The following MGRN1 variants were observed in gnomAD, a reference collection of about 807,000 sequenced individuals.
MGRN1 encodes the protein E3 ubiquitin-protein ligase MGRN1.
A neutral mutation model predicts 69.2 loss-of-function variants in MGRN1; 29 were observed. That is an observed-to-expected ratio of 0.42 (90% CI 0.31 to 0.57). The LOEUF (loss-of-function observed/expected upper bound fraction) is 0.57, where lower values mean the gene tolerates loss of function less well. Among genes scored for constraint, MGRN1 ranks in the 20% least tolerant of loss-of-function variants. The pLI is 0.15. For synonymous variants in MGRN1, 470 were observed against 344.2 expected (o/e 1.37, Z -4.04); for missense variants, 998 against 796.2 (o/e 1.25, Z -3.05).
chr16:4,665,288 C>T (rs900097487), intron 7 of MGRN1, 137 bp downstream of exon 7: 21 of 853,700 alleles, frequency 2.5e-5, no homozygotes, highest in Non-Finnish European at 3.7e-5. Flanking sequence ...CAGGTTGGGG[C>T]GTGTCTGTGG....
In MGRN1 at chr16:4,652,038, C is replaced by T. The variant is rs201332574; in HGVS notation, c.283C>T (p.Leu95=). 183 of 1,614,006 alleles carry T rather than the reference C, an allele frequency of 1.1e-4. No homozygotes were observed. In the Admixed American group the frequency reaches 3.0e-3, roughly 26 times the overall value. Residue 95 remains leucine, a synonymous_variant, in exon 3 of 17, where the codon CTG becomes TTG. Coordinates refer to ENST00000262370, the MANE Select transcript of MGRN1 (RefSeq NM_015246.4). ...RSLVNIRKDS[L]RLVRYKDDAD... ...CCTGGTGAACATCCGCAAAGACTCC[C>T]TGCGGCTGGTGAGGTAACTTCACCC...
At chr16:4,687,897 CCT>C (rs1381751671) in intron 16 of MGRN1, 1 of 985,468 alleles carries the variant, frequency 1.0e-6, no homozygotes, top group African/African-American at 1.7e-5. Context: ...TCTGTTGACC[CCT>C]GTCCTGAGCC....
chr16:4,650,221 T>G (rs1438806519), intron 1 of MGRN1, 144 bp from the exon 2 acceptor site: 1 of 595,178 alleles, frequency 1.7e-6, no homozygotes, highest in East Asian at 3.1e-5. Context: ...AAGAATCGCT[T>G]GAACCCGGTG....
chr16:4,628,029 G>A (rs577882398), intron 1 of MGRN1, among the ~76,000 whole-genome samples: 9 of 148,456 alleles, frequency 6.1e-5, no homozygotes, highest in South Asian at 2.1e-4. Context: ...GCAGTGAGCC[G>A]AGACTGCGCC....
chr16:4,657,140 C>T (rs915740138), intron 4 of MGRN1, 106 bp from the exon 5 acceptor site: 6 of 1,105,282 alleles, frequency 5.4e-6, no homozygotes, highest in African/African-American at 4.7e-5. Context: ...AGAGGGTCCC[C>T]AAAAGACAGG....
chr16:4,645,062 G>A (rs1420709652), intron 1 of MGRN1, among the ~76,000 whole-genome samples: 6 of 148,144 alleles, frequency 4.1e-5, no homozygotes, highest in Non-Finnish European at 7.4e-5. Flanking sequence ...ACCTATGCAG[G>A]TGTTTTAGTT....
At chr16:4,678,921 A>G (rs771860172) in intron 11 of MGRN1, among the ~76,000 whole-genome samples, 20 of 152,216 alleles carry the variant, frequency 1.3e-4, no homozygotes, top group African/African-American at 2.4e-4. Context: ...AGCAGGTGCA[A>G]TGTTTCTGAA....
rs557599999 is a variant in MGRN1 at position 4,673,748 on chromosome 16, C to T, written c.955+91C>T. On this transcript the variant is annotated intron_variant, in intron 10 of 16. Coordinates refer to ENST00000262370, the MANE Select transcript of MGRN1 (RefSeq NM_015246.4). Reference sequence around the variant, plus strand: ...GTCCTGGGATAGGGGGCCACAGGTCCGTTGATGGCTAAGAAAGAAGAGTTG... The same window carrying T: ...GTCCTGGGATAGGGGGCCACAGGTCTGTTGATGGCTAAGAAAGAAGAGTTG... The T allele has an allele frequency of 1.3e-5, 19 of 1,453,132 alleles. No individual in the cohort carries two copies. The African/African-American group carries it at 1.5e-4, about 12-fold the overall frequency. 90.0% of individuals were successfully genotyped at this position (1,453,132 alleles called of 1,614,324 possible). A position where few individuals can be genotyped will look rare whatever the true frequency, so the allele number is the denominator to read the frequency against.
chr16:4,670,961 T>G (rs2078924473), intron 8 of MGRN1, among the ~76,000 whole-genome samples: 2 of 152,228 alleles, frequency 1.3e-5, no homozygotes, highest in Admixed American at 1.3e-4. Flanking sequence ...AGACATTGCT[T>G]TGGCGTCTTT....
At chr16:4,646,291 G>A (rs542519210) in intron 1 of MGRN1, among the ~76,000 whole-genome samples, 1 of 152,184 alleles carries the variant, frequency 6.6e-6, no homozygotes, top group African/African-American at 2.4e-5. Context: ...AAATGAGCCA[G>A]ACATTGTGCA....
intron 1 of MGRN1, among the ~76,000 whole-genome samples, chr16:4,630,777 A>C (rs1172920781): frequency 7.6e-6 from 1 of 132,366 alleles, no homozygotes; most frequent in Admixed American, 7.3e-5. Context: ...TAGCTCTTAC[A>C]TTTAGGTCTT....
chr16:4,660,315 C>T (rs1033852249), intron 5 of MGRN1, among the ~76,000 whole-genome samples: 2 of 152,224 alleles, frequency 1.3e-5, no homozygotes, highest in Non-Finnish European at 2.9e-5. Flanking sequence ...ACGAGGGGTC[C>T]GTGATCAGCA....
intron 12 of MGRN1, 25 bp downstream of exon 12, chr16:4,680,122 G>A (rs576586848): frequency 1.4e-5 from 23 of 1,610,806 alleles, no homozygotes; most frequent in South Asian, 1.3e-4. Context: ...CTCCGGCTAC[G>A]TTTTTTTGCC....
chr16:4,630,493 C>G lies in MGRN1; in HGVS notation c.88+5445C>G, dbSNP rs571638026. Among the ~76,000 whole-genome samples, 81 of 151,952 alleles carry G rather than the reference C, an allele frequency of 5.3e-4. No homozygotes were observed. The South Asian group carries it at 0.016, about 30-fold the overall frequency. On this transcript the variant is annotated intron_variant, in intron 1 of 16. Coordinates refer to ENST00000262370, the MANE Select transcript of MGRN1 (RefSeq NM_015246.4). Reference sequence around the variant, plus strand: ...TGAGATGGAGTCTCCCTCTGTCACCCAGGCTGGAGTGTAGTGGCATGATCT... The same window carrying G: ...TGAGATGGAGTCTCCCTCTGTCACCGAGGCTGGAGTGTAGTGGCATGATCT...
At chr16:4,633,021 T>G (rs1346126301) in intron 1 of MGRN1, among the ~76,000 whole-genome samples, 1 of 152,156 alleles carries the variant, frequency 6.6e-6, no homozygotes, top group Non-Finnish European at 1.5e-5. Flanking sequence ...AGGTCGAGGC[T>G]GCAGTGAGCT....
chr16:4,683,936 AGGGGCTGG>A lies in MGRN1; in HGVS notation c.1618+8_1618+15del, dbSNP rs2079247959. The A allele has an allele frequency of 3.2e-6, 2 of 629,586 alleles. No individual in the cohort carries two copies. The highest frequency in any genetic ancestry group is 2.1e-5 in the Admixed American group (1 of 48,376). The allele number at this position is 629,586 out of a possible 1,614,324, so 39.0% of individuals were successfully genotyped here. ...CCTGCTGACATCTACCTGCCAGGTA[AGGGGCTGG>A]GGGTCTGGGGGTGAGGGGCTGGGTG... On this transcript the variant is annotated splice_donor_5th_base_variant and intron_variant, in intron 16 of 16. Coordinates refer to ENST00000262370, the MANE Select transcript of MGRN1 (RefSeq NM_015246.4).
At chr16:4,669,463 T>A (rs2078891695) in intron 8 of MGRN1, among the ~76,000 whole-genome samples, 1 of 140,438 alleles carries the variant, frequency 7.1e-6, no homozygotes, top group South Asian at 2.2e-4. Context: ...TGCAACAGCC[T>A]GTTGACTTCC....
chr16:4,643,813 A>C (rs1404256311), intron 1 of MGRN1, among the ~76,000 whole-genome samples: 1 of 152,252 alleles, frequency 6.6e-6, no homozygotes, highest in East Asian at 1.9e-4. Flanking sequence ...TTGATCAAAC[A>C]AATATTCCAG....
At chr16:4,666,249 C>T (rs1309601958) in intron 7 of MGRN1, among the ~76,000 whole-genome samples, 1 of 152,148 alleles carries the variant, frequency 6.6e-6, no homozygotes, top group Non-Finnish European at 1.5e-5. Flanking sequence ...CCACTTCAGC[C>T]TCCCGAGTAG....
Sources: allele counts gnomAD v4.1 joint callset (sites outside exome capture counted in the v4.1 genomes callset), GRCh38; gene constraint gnomAD v4.1.1; transcripts MANE v1.5; gene names NCBI Gene and HGNC (gene_info 2026-07-23, HGNC 2026-07-21).